MROH9: variants seen among roughly 807,000 people sequenced by gnomAD.
MROH9 encodes the protein maestro heat like repeat family member 9.
MROH9 carries 92 observed loss-of-function variants against 98.2 expected under a neutral mutation model. That is an observed-to-expected ratio of 0.94 (90% confidence interval 0.79 to 1.11). MROH9 has a LOEUF of 1.11. MROH9 is among the 50% of genes most tolerant of loss of function. MROH9 has a pLI of 0.00. For synonymous variants in MROH9, 397 were observed against 368.9 expected, an observed-to-expected ratio of 1.08 and a Z score of -0.87; for missense variants, 1,057 against 1,014.8, an observed-to-expected ratio of 1.04 and a Z score of -0.57.
rs1254337733 is a variant in MROH9 at position 170,977,276 on chromosome 1, A to C, written c.616+5393A>C. Among the ~76,000 whole-genome samples the C allele has an allele frequency of 2.0e-5, 3 of 152,172 alleles. No individual in the cohort carries two copies. In the East Asian group the frequency reaches 5.8e-4, roughly 29 times the overall value. ...CAACCTGGTTAAGAACCCTTGTTGGAGAACTATTTCAGCCATCTGGAGGAC... is the reference window on the plus strand; with the variant it reads ...CAACCTGGTTAAGAACCCTTGTTGGCGAACTATTTCAGCCATCTGGAGGAC... On this transcript the variant is annotated intron_variant, in intron 8 of 21. Coordinates refer to ENST00000367759, the MANE Select transcript of MROH9 (RefSeq NM_001163629.2).
rs568741571 is a variant in MROH9 at position 171,005,581 on chromosome 1, T to C, written c.1596+7307T>C. ...TCTTAATCTTTTTCATATAGTTTAT[T>C]GTTAGTGCATAGAAATGCAACTGAC... On this transcript the variant is annotated intron_variant, in intron 15 of 21. Transcript: ENST00000367759. Among the ~76,000 whole-genome samples, 3 of 152,358 alleles carry C rather than the reference T, an allele frequency of 2.0e-5. No individual in the cohort carries two copies. The East Asian group carries it at 5.8e-4, about 29-fold the overall frequency.
intron 1 of MROH9, 149 bp from the exon 2 acceptor site, chr1:170,945,371 C>T (rs1649288054): frequency 1.7e-6 from 1 of 586,416 alleles, no homozygotes; most frequent in Non-Finnish European, 3.1e-6. Context: ...TATTTTTAAG[C>T]CTTTAAATTT....
intron 20 of MROH9, among the ~76,000 whole-genome samples, chr1:171,055,714 G>A (rs1316400713): frequency 6.6e-6 from 1 of 151,908 alleles, no homozygotes; most frequent in Non-Finnish European, 1.5e-5. Flanking sequence ...ATATTGAGGG[G>A]CCAAGATGTC....
chr1:170,936,777 T>C (rs1648901561), intron 1 of MROH9, among the ~76,000 whole-genome samples: 1 of 152,004 alleles, frequency 6.6e-6, no homozygotes, highest in Non-Finnish European at 1.5e-5. Flanking sequence ...GAAGGATATT[T>C]ATTATTTAGG....
chr1:171,043,868 T>C (rs1292747313), intron 20 of MROH9, among the ~76,000 whole-genome samples: 5 of 152,178 alleles, frequency 3.3e-5, no homozygotes, highest in Admixed American at 2.6e-4. Flanking sequence ...AGTTTTCTTG[T>C]GAAGTCTTGA....
At chr1:170,986,830 T>G in intron 10 of MROH9, 120 bp downstream of exon 10, 1 of 1,122,304 alleles carries the variant, frequency 8.9e-7, no homozygotes. Context: ...TTATATGACT[T>G]CAATATAATG....
At chr1:171,047,012 C>T (rs545321344) in intron 20 of MROH9, among the ~76,000 whole-genome samples, 1 of 152,234 alleles carries the variant, frequency 6.6e-6, no homozygotes, top group East Asian at 1.9e-4. Context: ...TGTAAGGGTT[C>T]CACTAAAAGT....
chr1:171,041,620 A>G (rs1206586202), intron 20 of MROH9, among the ~76,000 whole-genome samples: 7 of 151,742 alleles, frequency 4.6e-5, no homozygotes, highest in Non-Finnish European at 1.5e-5. Context: ...TGGTAGTTCT[A>G]TTTTTAATTA....
At chr1:171,053,924 A>G (rs1653748643) in intron 20 of MROH9, among the ~76,000 whole-genome samples, 1 of 152,208 alleles carries the variant, frequency 6.6e-6, no homozygotes, top group African/African-American at 2.4e-5. Flanking sequence ...AGAATGAGGC[A>G]GAAGAACTCC....
chr1:171,024,793 A>C, intron 19 of MROH9, 28 bp downstream of exon 19: 1 of 1,334,088 alleles, frequency 7.5e-7, no homozygotes, highest in Non-Finnish European at 1.1e-6. Flanking sequence ...TTTTACTACT[A>C]TAAGAGTTGT....
rs866683621 is a variant in MROH9 at position 171,062,736 on chromosome 1, G to A, written c.2344+542G>A. Among the ~76,000 whole-genome samples the A allele has an allele frequency of 2.6e-5, 4 of 152,182 alleles. No individual in the cohort carries two copies. The South Asian group carries it at 8.3e-4, about 31-fold the overall frequency. ...AGCCTCTGTCTATCGTCCCATCAGG[G>A]TAAGAATTACAAATAGTGAGTTATA... On this transcript the variant is annotated intron_variant, in intron 21 of 21. Transcript: ENST00000367759.
At chr1:170,962,020 G>C (rs1186132106) in intron 6 of MROH9, 44 bp downstream of exon 6, 1 of 1,053,084 alleles carries the variant, frequency 9.5e-7, no homozygotes, top group East Asian at 2.8e-5. Context: ...CATAAGTCTA[G>C]TATGCTCACT....
chr1:171,059,837 C>T (rs1653959104), intron 20 of MROH9, among the ~76,000 whole-genome samples: 1 of 152,040 alleles, frequency 6.6e-6, no homozygotes, highest in South Asian at 2.1e-4. Context: ...AATGAGAACA[C>T]ATGGACACAG....
chr1:171,064,646 G>A lies in MROH9; in HGVS notation c.*306G>A, dbSNP rs1473454820. The A allele has an allele frequency of 4.2e-6, 1 of 238,750 alleles. No individual in the cohort carries two copies. Among genetic ancestry groups the A allele is most frequent in the Non-Finnish European group, 8.0e-6 (1 of 125,100 alleles). 14.8% of individuals were successfully genotyped at this position (238,750 alleles called of 1,614,324 possible). ...GTTTGATGAGAAGCTCTGGGAACTT[G>A]ATTCAGTCCGGAAGCTCTACTGAGC... On this transcript the variant is annotated 3_prime_UTR_variant, in exon 22 of 22. Transcript: ENST00000367759.
chr1:171,021,437 G>A (rs1350298573), intron 17 of MROH9, among the ~76,000 whole-genome samples: 2 of 151,958 alleles, frequency 1.3e-5, no homozygotes, highest in African/African-American at 4.8e-5. Flanking sequence ...ACAGAACAGA[G>A]ATCTCAGAAA....
At chr1:171,059,635 C>T (rs970183032) in intron 20 of MROH9, among the ~76,000 whole-genome samples, 2 of 152,136 alleles carry the variant, frequency 1.3e-5, no homozygotes, top group Admixed American at 6.6e-5. Context: ...AACAAAAATG[C>T]TCATCAATGA....
rs868465130 is a variant in MROH9, at chr1:171,055,625, A to C, written c.2282-6507A>C. Among the ~76,000 whole-genome samples the C allele has an allele frequency of 3.4e-3, 508 of 149,970 alleles. 1 individual carries two copies. Among genetic ancestry groups the C allele is most frequent in the South Asian group, 0.019 (89 of 4,716 alleles). On this transcript the variant is annotated intron_variant, in intron 20 of 21. Coordinates refer to ENST00000367759, the MANE Select transcript of MROH9 (RefSeq NM_001163629.2). ...CAACAGTGTGAGACTTCATAAAAAA[A>C]AAAAAAAAAAAAAAAAGATACAGTG...
intron 20 of MROH9, among the ~76,000 whole-genome samples, chr1:171,047,982 C>T (rs116645826): frequency 0.017 from 2,531 of 152,266 alleles, 28 homozygotes; most frequent in Middle Eastern, 0.027. Context: ...CTTGTTTCTT[C>T]CCTTACTTTT....
At chr1:170,963,263 T>G (rs772003488) in intron 6 of MROH9, among the ~76,000 whole-genome samples, 1 of 151,592 alleles carries the variant, frequency 6.6e-6, no homozygotes, top group Non-Finnish European at 1.5e-5. Context: ...GAAATGCAAA[T>G]CAAAACCACA....
Sources: gnomAD v4.1 joint callset for allele counts (sites outside exome capture counted in the v4.1 genomes callset) on GRCh38, gnomAD v4.1.1 for gene constraint, MANE v1.5 for transcripts, NCBI Gene and HGNC (gene_info 2026-07-23, HGNC 2026-07-21) for gene names.